Variants in RILP observed in about 807,000 individuals in gnomAD.
The protein encoded by RILP is rab-interacting lysosomal protein.
RILP carries 53 observed loss-of-function variants against 40.0 expected under a neutral mutation model. The ratio of observed to expected loss-of-function variants is 1.32; its 90% CI spans 1.06 to 1.66. The LOEUF (loss-of-function observed/expected upper bound fraction) is 1.66. Ranked by LOEUF, RILP falls within the 40% of genes most tolerant of loss-of-function variation. RILP has a pLI of 0.00. For missense variants in RILP, 626 were observed against 551.7 expected, an observed-to-expected ratio of 1.13 and a Z score of -1.35; for synonymous variants, 272 against 250.6, an observed-to-expected ratio of 1.09 and a Z score of -0.80.
chr17:1,649,076 G>A lies in RILP; in HGVS notation c.430-32C>T. The A allele has an allele frequency of 7.2e-5, 14 of 194,006 alleles. No homozygotes were observed. Among genetic ancestry groups the A allele is most frequent in the Non-Finnish European group, 1.5e-4 (14 of 96,534 alleles). The allele number at this position is 194,006 out of a possible 1,614,324, so 12.0% of individuals were successfully genotyped here. A position where few individuals can be genotyped will look rare whatever the true frequency, so the allele number is the denominator to read the frequency against. Reference sequence around the variant, plus strand: ...GCGGAGCAAAGGGTGGGGTGGGCGGGGCACCGAGGGCCCCCCGGAGCCCCG... The same window carrying A: ...GCGGAGCAAAGGGTGGGGTGGGCGGAGCACCGAGGGCCCCCCGGAGCCCCG... On this transcript the variant is annotated intron_variant, in intron 3 of 7. Transcript: ENST00000301336. This position sits in a 1 kb window ranked among gnomAD's most constrained non-coding sequence, Gnocchi z 4.3.
intron 6 of RILP, 107 bp downstream of exon 6, chr17:1,647,728 G>C: frequency 7.0e-7 from 1 of 1,437,316 alleles, no homozygotes; most frequent in Non-Finnish European, 9.7e-7. Flanking sequence ...TGGGGTGACA[G>C]CCTCAGTCTG....
rs1225820157 is a variant in RILP at position 1,648,985 on chromosome 17, C to T, written c.489G>A (p.Ala163=). The change falls in exon 4 of 8, where the codon GCG becomes GCA. Residue 163 remains alanine (A), a synonymous_variant. Coordinates refer to ENST00000301336, the MANE Select transcript of RILP (RefSeq NM_031430.3). The surrounding 1 kb of genome is among the most constrained non-coding windows in gnomAD (Gnocchi z 4.9). ...CGGCGCGCAGCTGGGTCTGCATGGC[C>T]GCCAGCTTGTGCCGCAGCTCAGCGT... ...LVNAELRHKL[A]AMQTQLRAAQ... The T allele has an allele frequency of 4.7e-6, 7 of 1,480,746 alleles. No individual in the cohort carries two copies. The South Asian group carries it at 5.1e-5, about 11-fold the overall frequency. 91.7% of individuals were successfully genotyped at this position (1,480,746 alleles called of 1,614,324 possible).
At position 1,647,918 on chromosome 17, in the gene RILP, G is replaced by C. The variant is rs538993568; in HGVS notation, c.861C>G (p.Leu287=). Residue 287 remains leucine (L), a synonymous_variant, in exon 6 of 8, where the codon CTC becomes CTG. Transcript: ENST00000301336. The stretch of plus-strand genomic sequence containing the variant: ...TCCGGACAGCCACCTTCATGGCCTC[G>C]AGCAGAAGGCCGGGGACCCGGTGGT... ...LTDHRVPGLL[L]EAMKVAVRKQ... 3.7e-6 allele frequency: 6 copies of C among 1,614,130 alleles called. No homozygotes were observed. Among genetic ancestry groups the C allele is most frequent in the Non-Finnish European group, 4.2e-6 (5 of 1,180,010 alleles).
In RILP at chr17:1,647,977, A is replaced by G; in HGVS notation, c.822-20T>C. 1.2e-6 allele frequency: 2 copies of G among 1,613,150 alleles called. No individual in the cohort carries two copies. Among genetic ancestry groups the G allele is most frequent in the Non-Finnish European group, 8.5e-7 (1 of 1,179,906 alleles). On this transcript the variant is annotated intron_variant, in intron 5 of 7. Coordinates refer to ENST00000301336, the MANE Select transcript of RILP (RefSeq NM_031430.3). Reference sequence around the variant, plus strand: ...AGCTCCCTAAAGAAAAGGGGCAGGGAGGGAGAAAGCCCTGGTGATGCCAGC... The same window carrying G: ...AGCTCCCTAAAGAAAAGGGGCAGGGGGGGAGAAAGCCCTGGTGATGCCAGC...
In RILP at chr17:1,647,827, G is replaced by A. The variant is rs762346638; in HGVS notation, c.944+8C>T. ...CCTGGCTCCGTGGGAATGCAGGCAG[G>A]GACCTACCTGCTCTCTGCTTCCTCT... On this transcript the variant is annotated splice_region_variant and intron_variant, in intron 6 of 7. Transcript: ENST00000301336. The A allele has an allele frequency of 1.2e-6, 2 of 1,613,934 alleles. No homozygotes were observed. Among genetic ancestry groups the A allele is most frequent in the South Asian group, 1.1e-5 (1 of 91,090 alleles).
chr17:1,646,520 CTG>C lies in RILP; in HGVS notation c.1126_1127del (p.Gln376ValfsTer5), dbSNP rs772340146. On this transcript the variant is annotated frameshift_variant, in exon 8 of 8. Coordinates refer to ENST00000301336, the MANE Select transcript of RILP (RefSeq NM_031430.3). LOFTEE classifies it low-confidence loss of function (END_TRUNC). This position sits in a 1 kb window ranked among gnomAD's most constrained non-coding sequence, Gnocchi z 4.3. The part of the protein sequence containing the change: ...KLGGEEEAQP[Q>X]SPAPDPPCSA... Reference sequence around the variant, plus strand: ...AACAGGGCGGATCAGGAGCTGGAGACTGTGGTTGGGCCTCCTCTTCTCCCCCT... The same window carrying C: ...AACAGGGCGGATCAGGAGCTGGAGACTGGTTGGGCCTCCTCTTCTCCCCCT... The C allele has an allele frequency of 2.5e-6, 4 of 1,613,400 alleles. No homozygotes were observed. Among genetic ancestry groups the C allele is most frequent in the Admixed American group, 1.7e-5 (1 of 59,894 alleles).
Position 1,649,774 on chromosome 17 carries a change from G to A in RILP, c.31C>T (p.Pro11Ser). ...GCGGCCTCCCGAGACCCCCAGCCAG[G>A]CACCCCGGGCGCCGCCCTCCTGGGC... MEPRRAAPGV[P>S]GWGSREAAGS... The change falls in exon 1 of 8, where the codon CCT (proline) becomes TCT (serine). Residue 11 changes from proline to serine, a missense_variant. Transcript: ENST00000301336. This position sits in a 1 kb window ranked among gnomAD's most constrained non-coding sequence, Gnocchi z 4.3. 2.6e-6 allele frequency: 4 copies of A among 1,564,814 alleles called. No individual in the cohort carries two copies. Among genetic ancestry groups the A allele is most frequent in the Non-Finnish European group, 3.4e-6 (4 of 1,162,348 alleles).
In RILP at chr17:1,648,789, C is replaced by G. The variant is rs1597219063; in HGVS notation, c.675+10G>C. The G allele has an allele frequency of 6.7e-7, 1 of 1,498,720 alleles. No homozygotes were observed. Among genetic ancestry groups the G allele is most frequent in the Non-Finnish European group, 8.8e-7 (1 of 1,133,680 alleles). 92.8% of individuals were successfully genotyped at this position (1,498,720 alleles called of 1,614,324 possible). On this transcript the variant is annotated intron_variant, in intron 4 of 7. Coordinates refer to ENST00000301336, the MANE Select transcript of RILP (RefSeq NM_031430.3). The surrounding 1 kb of genome is among the most constrained non-coding windows in gnomAD (Gnocchi z 4.9). The stretch of plus-strand genomic sequence containing the variant: ...CCTGGGCTGGGTCCTTGCCCTCATA[C>G]GGCACTCACCGGGTCCTCAGGGTTC...
In RILP at chr17:1,648,737, G is replaced by A; in HGVS notation, c.675+62C>T. Reference sequence around the variant, plus strand: ...TGTGCAGCATGCAAACCTTGCTTGAGTGCCCACCGAGGGCTGGACGCTGCG... The same window carrying A: ...TGTGCAGCATGCAAACCTTGCTTGAATGCCCACCGAGGGCTGGACGCTGCG... On this transcript the variant is annotated intron_variant, in intron 4 of 7. Transcript: ENST00000301336. This position sits in a 1 kb window ranked among gnomAD's most constrained non-coding sequence, Gnocchi z 4.9. 4.2e-6 allele frequency: 6 copies of A among 1,439,202 alleles called. No homozygotes were observed. Among genetic ancestry groups the A allele is most frequent in the Non-Finnish European group, 5.5e-6 (6 of 1,100,644 alleles). The allele number at this position is 1,439,202 out of a possible 1,614,324, so 89.2% of individuals were successfully genotyped here. A position where few individuals can be genotyped will look rare whatever the true frequency, so the allele number is the denominator to read the frequency against.
chr17:1,648,030 A>G lies in RILP; in HGVS notation c.822-73T>C. 1 of 1,581,804 alleles carries G rather than the reference A, an allele frequency of 6.3e-7. No individual in the cohort carries two copies. On this transcript the variant is annotated intron_variant, in intron 5 of 7. Coordinates refer to ENST00000301336, the MANE Select transcript of RILP (RefSeq NM_031430.3). The surrounding 1 kb of genome is among the most constrained non-coding windows in gnomAD (Gnocchi z 4.9). ...TGGGGATGCCAGCAGTGGAGATGCC[A>G]GCCGCAGTCCTCACTCCTGGTACCT... is the stretch of plus-strand genomic sequence containing the variant.
Position 1,646,634 on chromosome 17 carries a change from C to A in RILP, c.1029-15G>T. 1 of 1,551,588 alleles carries A rather than the reference C, an allele frequency of 6.4e-7. No homozygotes were observed. Among genetic ancestry groups the A allele is most frequent in the Non-Finnish European group, 8.7e-7 (1 of 1,147,968 alleles). On this transcript the variant is annotated splice_polypyrimidine_tract_variant and intron_variant, in intron 7 of 7. Transcript: ENST00000301336. The surrounding 1 kb of genome is among the most constrained non-coding windows in gnomAD (Gnocchi z 4.3). ...ATAGGCCAAAGCTGGAGAGAGACAG[C>A]CAGAGGCACTTTGAGCCAGGAAGCC...
In RILP at chr17:1,646,999, A is replaced by C; in HGVS notation, c.945-10T>G. The C allele has an allele frequency of 1.3e-6, 2 of 1,573,584 alleles. No homozygotes were observed. Among genetic ancestry groups the C allele is most frequent in the Non-Finnish European group, 1.7e-6 (2 of 1,155,702 alleles). ...GCCAGCCTCATCCTCACTGAGACAG[A>C]GGAGAGAGGAGAAGTGAGGGCCATT... On this transcript the variant is annotated splice_polypyrimidine_tract_variant and intron_variant, in intron 6 of 7. Transcript: ENST00000301336. This position sits in a 1 kb window ranked among gnomAD's most constrained non-coding sequence, Gnocchi z 4.3.
Position 1,646,709 on chromosome 17 carries a change from G to A in RILP, c.1029-90C>T. 2 of 1,373,734 alleles carry A rather than the reference G, an allele frequency of 1.5e-6. No homozygotes were observed. Among genetic ancestry groups the A allele is most frequent in the African/African-American group, 1.5e-5 (1 of 68,826 alleles). The allele number at this position is 1,373,734 out of a possible 1,614,324, so 85.1% of individuals were successfully genotyped here. A position where few individuals can be genotyped will look rare whatever the true frequency, so the allele number is the denominator to read the frequency against. ...GGCAGGGGATGGTGAGAAAAGGGGA[G>A]AGGGGGAAGAAAGGGCAGCCTGAGG... On this transcript the variant is annotated intron_variant, in intron 7 of 7. Transcript: ENST00000301336. The surrounding 1 kb of genome is among the most constrained non-coding windows in gnomAD (Gnocchi z 4.3).
Position 1,648,361 on chromosome 17 carries a change from G to A in RILP, c.810C>T (p.Ala270=). Residue 270 remains alanine, a synonymous_variant, in exon 5 of 8, where the codon GCC becomes GCT. Coordinates refer to ENST00000301336, the MANE Select transcript of RILP (RefSeq NM_031430.3). The surrounding 1 kb of genome is among the most constrained non-coding windows in gnomAD (Gnocchi z 4.9). ...CCCAGCGTCCTCACCGCTGGAAGTA[G>A]GCCAGTTCCTCCTTGAGCAGGAACA... The part of the protein sequence containing the change: ...AKVFLLKEEL[A]YFQRELLTDH... The A allele has an allele frequency of 6.2e-7, 1 of 1,613,742 alleles. No homozygotes were observed. Among genetic ancestry groups the A allele is most frequent in the Non-Finnish European group, 8.5e-7 (1 of 1,179,888 alleles).
intron 6 of RILP, among the ~76,000 whole-genome samples, chr17:1,647,506 G>A (rs979291452): frequency 2.0e-5 from 3 of 152,204 alleles, no homozygotes; most frequent in African/African-American, 7.2e-5. Flanking sequence ...TTTCACCCCC[G>A]TAAGAATAAA....
chr17:1,647,828 G>A lies in RILP; in HGVS notation c.944+7C>T. The A allele has an allele frequency of 1.2e-6, 2 of 1,614,008 alleles. No homozygotes were observed. Among genetic ancestry groups the A allele is most frequent in the Non-Finnish European group, 1.7e-6 (2 of 1,179,926 alleles). ...CTGGCTCCGTGGGAATGCAGGCAGG[G>A]ACCTACCTGCTCTCTGCTTCCTCTG... On this transcript the variant is annotated splice_region_variant and intron_variant, in intron 6 of 7. Transcript: ENST00000301336.
In RILP at chr17:1,648,975, T is replaced by C. The variant is rs1009374994; in HGVS notation, c.499A>G (p.Thr167Ala). The C allele has an allele frequency of 2.0e-5, 30 of 1,470,006 alleles. No homozygotes were observed. The highest frequency in any genetic ancestry group is 2.7e-5 in the Non-Finnish European group (30 of 1,114,180). The allele number at this position is 1,470,006 out of a possible 1,614,324, so 91.1% of individuals were successfully genotyped here. ...CGGTCCTGCGCGGCGCGCAGCTGGGTCTGCATGGCCGCCAGCTTGTGCCGC... is the reference window on the plus strand; with the variant it reads ...CGGTCCTGCGCGGCGCGCAGCTGGGCCTGCATGGCCGCCAGCTTGTGCCGC... ...ELRHKLAAMQ[T>A]QLRAAQDRER... The change falls in exon 4 of 8, where the codon ACC becomes GCC. Residue 167 changes from threonine (T) to alanine (A), a missense_variant. Coordinates refer to ENST00000301336, the MANE Select transcript of RILP (RefSeq NM_031430.3). This position sits in a 1 kb window ranked among gnomAD's most constrained non-coding sequence, Gnocchi z 4.9.
Position 1,647,782 on chromosome 17 carries a change from A to G in RILP, c.944+53T>C. ...GTGACCAGGCTGGGTCATCAGGCTC[A>G]GCAGAATGAGGGAGGGAGGCCTGGC... On this transcript the variant is annotated intron_variant, in intron 6 of 7. Transcript: ENST00000301336. 8 of 1,611,760 alleles carry G rather than the reference A, an allele frequency of 5.0e-6. No homozygotes were observed. The South Asian group carries it at 8.8e-5, about 18-fold the overall frequency.
In RILP at chr17:1,646,660, A is replaced by C. The variant is rs1221628142; in HGVS notation, c.1029-41T>G. The C allele has an allele frequency of 1.3e-6, 2 of 1,539,732 alleles. No homozygotes were observed. Among genetic ancestry groups the C allele is most frequent in the Admixed American group, 4.0e-5 (2 of 50,628 alleles). ...CAGAGGCACTTTGAGCCAGGAAGCCAGAGAGGTCAAGGATATGGGTGAGGG... is the reference window on the plus strand; with the variant it reads ...CAGAGGCACTTTGAGCCAGGAAGCCCGAGAGGTCAAGGATATGGGTGAGGG... On this transcript the variant is annotated intron_variant, in intron 7 of 7. Coordinates refer to ENST00000301336, the MANE Select transcript of RILP (RefSeq NM_031430.3). This position sits in a 1 kb window ranked among gnomAD's most constrained non-coding sequence, Gnocchi z 4.3.
Sources: allele counts gnomAD v4.1 joint callset (sites outside exome capture counted in the v4.1 genomes callset), GRCh38; gene constraint gnomAD v4.1.1; non-coding constraint Gnocchi (gnomAD v3.1); transcripts MANE v1.5; gene names NCBI Gene and HGNC (gene_info 2026-07-23, HGNC 2026-07-21).